The following ADRA1B variants were observed in gnomAD, a reference collection of about 807,000 sequenced individuals.
ADRA1B encodes alpha-1B adrenergic receptor.
Under a neutral mutation model 17.9 loss-of-function variants are expected in ADRA1B, and 17 were observed. The ratio of observed to expected loss-of-function variants is 0.95; its 90% CI spans 0.65 to 1.42. The LOEUF (loss-of-function observed/expected upper bound fraction) is 1.42, where lower values mean the gene tolerates loss of function less well. Among genes scored for constraint, ADRA1B ranks in the 40% most tolerant of loss-of-function variants. ADRA1B has a pLI of 0.00. For missense variants in ADRA1B, 681 were observed against 722.1 expected, an observed-to-expected ratio of 0.94 and a Z score of 0.65; for synonymous variants, 366 against 327.6, an observed-to-expected ratio of 1.12 and a Z score of -1.27.
chr5:159,899,263 A>AAAGGAAGGAAGGAAGGAAGGAAGGAAGG (rs199633101), intron 1 of ADRA1B, among the ~76,000 whole-genome samples: 2 of 106,410 alleles, frequency 1.9e-5, no homozygotes, highest in Non-Finnish European at 3.9e-5. Context: ...AGGAAGGAAG[A>AAAGGAAGGAAGGAAGGAAGGAAGGAAGG]AAGGAAGGAA....
At chr5:159,877,770 G>A (rs895965761) in intron 1 of ADRA1B, among the ~76,000 whole-genome samples, 21 of 152,224 alleles carry the variant, frequency 1.4e-4, no homozygotes, top group African/African-American at 5.1e-4. Context: ...AAGGTGCAGC[G>A]TGCCCAGGGC....
the ADRA1B span, among the ~76,000 whole-genome samples, chr5:159,981,653 G>A: frequency 3.2e-4 from 48 of 151,106 alleles, no homozygotes; most frequent in Middle Eastern, 3.4e-3. Flanking sequence ...CCACCACCAC[G>A]CCCAGCTTAT....
intron 1 of ADRA1B, among the ~76,000 whole-genome samples, chr5:159,930,107 T>G (rs767593267): frequency 6.6e-6 from 1 of 152,244 alleles, no homozygotes; most frequent in African/African-American, 2.4e-5. Flanking sequence ...TTACAAAGTG[T>G]CCTATTTTAC....
chr5:159,888,740 G>C (rs898198981), intron 1 of ADRA1B, among the ~76,000 whole-genome samples: 3 of 152,198 alleles, frequency 2.0e-5, no homozygotes, highest in African/African-American at 7.2e-5. Context: ...CTGCACCACT[G>C]GGGGTGCCAG....
intron 1 of ADRA1B, among the ~76,000 whole-genome samples, chr5:159,898,342 G>A (rs1017453410): frequency 6.6e-6 from 1 of 152,222 alleles, no homozygotes; most frequent in Non-Finnish European, 1.5e-5. Context: ...GGAGGGCAGA[G>A]AAAACTATCG....
chr5:159,880,278 C>T (rs891463002), intron 1 of ADRA1B, among the ~76,000 whole-genome samples: 5 of 152,182 alleles, frequency 3.3e-5, no homozygotes, highest in African/African-American at 1.2e-4. Context: ...AAAACCCTCA[C>T]CTATAACAGA....
At chr5:159,873,424 G>A (rs976651924) in intron 1 of ADRA1B, among the ~76,000 whole-genome samples, 5 of 152,154 alleles carry the variant, frequency 3.3e-5, no homozygotes, top group Non-Finnish European at 7.3e-5. Flanking sequence ...AGCCTCAGCT[G>A]CAGAGAGCCA....
chr5:159,973,472 A>AGG (rs1398757614), downstream of ADRA1B, among the ~76,000 whole-genome samples: 5 of 152,096 alleles, frequency 3.3e-5, no homozygotes, highest in African/African-American at 4.8e-5. Context: ...AGGCAGAGAG[A>AGG]GGGGCTGGTT....
At chr5:159,880,071 A>G (rs1753846740) in intron 1 of ADRA1B, among the ~76,000 whole-genome samples, 2 of 152,208 alleles carry the variant, frequency 1.3e-5, no homozygotes, top group South Asian at 4.1e-4. Context: ...CCTCATACAT[A>G]TTTCAGTGTG....
At chr5:159,912,650 A>C (rs984940562), upstream of ADRA1B, among the ~76,000 whole-genome samples, 1 of 152,254 alleles carries the variant, frequency 6.6e-6, no homozygotes, top group East Asian at 1.9e-4. Context: ...CTTTGGAGCC[A>C]GACAACAATG....
At position 159,971,931 on chromosome 5, in the gene ADRA1B, C is replaced by A; in HGVS notation, c.1002C>A (p.Phe334Leu). ...KPPDAVFKVV[F>L]WLGYFNSCLN... ...CCGACGCCGTGTTCAAGGTGGTGTT[C>A]TGGCTGGGCTACTTCAACAGCTGCC... is the stretch of plus-strand genomic sequence containing the variant. The change falls in exon 2 of 2, where the codon TTC becomes TTA. Residue 334 changes from phenylalanine (F) to leucine (L), a missense_variant. Transcript: ENST00000306675. 7.7e-7 allele frequency: 1 copy of A among 1,301,668 alleles called. No homozygotes were observed. The highest frequency in any genetic ancestry group is 9.9e-7 in the Non-Finnish European group (1 of 1,007,130). The allele number at this position is 1,301,668 out of a possible 1,614,324, so 80.6% of individuals were successfully genotyped here.
At chr5:159,987,314 C>G in the ADRA1B span, among the ~76,000 whole-genome samples, 1 of 152,238 alleles carries the variant, frequency 6.6e-6, no homozygotes, top group African/African-American at 2.4e-5. Flanking sequence ...GCGCGGGTCT[C>G]TCCTGCGGGC....
chr5:159,933,174 G>T (rs1381312191), intron 1 of ADRA1B, among the ~76,000 whole-genome samples: 1 of 152,276 alleles, frequency 6.6e-6, no homozygotes, highest in African/African-American at 2.4e-5. Flanking sequence ...TTGTGAATGA[G>T]GTTAAGCATC....
intron 1 of ADRA1B, among the ~76,000 whole-genome samples, chr5:159,866,454 G>A (rs1753654451): frequency 6.6e-6 from 1 of 151,996 alleles, no homozygotes; most frequent in Non-Finnish European, 1.5e-5. Flanking sequence ...AGGCATGATA[G>A]CACATGCCTG....
chr5:159,894,921 A>G (rs2113109627), intron 1 of ADRA1B, among the ~76,000 whole-genome samples: 1 of 152,298 alleles, frequency 6.6e-6, no homozygotes, highest in Non-Finnish European at 1.5e-5. Context: ...GACAAGCACC[A>G]TCATGATTTT....
intron 1 of ADRA1B, among the ~76,000 whole-genome samples, chr5:159,942,494 T>C (rs1212861480): frequency 6.6e-6 from 1 of 152,176 alleles, no homozygotes. Context: ...AAGGAATGAA[T>C]TAGATCTGGA....
intron 1 of ADRA1B, among the ~76,000 whole-genome samples, chr5:159,891,744 C>T (rs370327975): frequency 6.6e-6 from 1 of 152,174 alleles, no homozygotes; most frequent in Non-Finnish European, 1.5e-5. Context: ...CCTGACTCTG[C>T]ATGCAACAAG....
chr5:159,967,551 C>A (rs534463663), intron 1 of ADRA1B, among the ~76,000 whole-genome samples: 16 of 152,096 alleles, frequency 1.1e-4, no homozygotes, highest in African/African-American at 3.4e-4. Flanking sequence ...AGATATTGTC[C>A]CCATTTTACA....
intron 1 of ADRA1B, among the ~76,000 whole-genome samples, chr5:159,881,824 G>A (rs936377945): frequency 2.0e-5 from 3 of 152,126 alleles, no homozygotes; most frequent in African/African-American, 4.8e-5. Flanking sequence ...GGATTTCCGG[G>A]CATGGGCTGT....
Sources: allele counts gnomAD v4.1 joint callset (sites outside exome capture counted in the v4.1 genomes callset), GRCh38; gene constraint gnomAD v4.1.1; transcripts MANE v1.5; gene names NCBI Gene and HGNC (gene_info 2026-07-23, HGNC 2026-07-21).